The following EHBP1 variants were observed in gnomAD, a reference collection of about 807,000 sequenced individuals.
EHBP1 encodes EH domain-binding protein 1.
In EHBP1, 55 loss-of-function variants were observed where a neutral mutation model predicts 144.0. That is an observed-to-expected ratio of 0.38 (90% CI 0.31 to 0.48). The LOEUF (loss-of-function observed/expected upper bound fraction) is 0.48. Ranked by LOEUF, EHBP1 falls within the 20% of genes least tolerant of loss-of-function variation. The probability of loss-of-function intolerance (pLI) is 0.98; values close to 1 mark genes in which losing one functional copy is unlikely to be tolerated. For synonymous variants in EHBP1, 469 were observed against 472.7 expected, an observed-to-expected ratio of 0.99 and a Z score of 0.10; for missense variants, 1,200 against 1,364.2, an observed-to-expected ratio of 0.88 and a Z score of 1.90.
At chr2:62,703,888 A>G (rs910849956), upstream of EHBP1, among the ~76,000 whole-genome samples, 2 of 152,234 alleles carry the variant, frequency 1.3e-5, no homozygotes, top group African/African-American at 2.4e-5. Flanking sequence ...AGAAACCAGA[A>G]TGACCACATA....
chr2:62,924,673 A>G (rs1482518451), intron 10 of EHBP1, among the ~76,000 whole-genome samples: 1 of 152,230 alleles, frequency 6.6e-6, no homozygotes, highest in African/African-American at 2.4e-5. Flanking sequence ...AAAACCTTGA[A>G]TAGACCAATA....
At chr2:63,027,342 C>T (rs560445865) in intron 19 of EHBP1, among the ~76,000 whole-genome samples, 8 of 152,292 alleles carry the variant, frequency 5.3e-5, no homozygotes, top group Non-Finnish European at 1.2e-4. Context: ...GACCCAAGTT[C>T]GTCATGAGTG....
At chr2:62,746,580 T>TA (rs2152140899) in intron 2 of EHBP1, among the ~76,000 whole-genome samples, 1 of 152,184 alleles carries the variant, frequency 6.6e-6, no homozygotes, top group East Asian at 1.9e-4. Flanking sequence ...AAATAAGTGA[T>TA]AATCATAATC....
At chr2:62,901,670 A>G (rs978685781) in intron 10 of EHBP1, among the ~76,000 whole-genome samples, 2 of 152,062 alleles carry the variant, frequency 1.3e-5, no homozygotes, top group East Asian at 3.9e-4. Flanking sequence ...TTAAAAAAAA[A>G]AAAGAAAAAG....
intron 2 of EHBP1, among the ~76,000 whole-genome samples, chr2:62,715,039 G>T (rs915923240): frequency 6.6e-6 from 1 of 152,160 alleles, no homozygotes; most frequent in African/African-American, 2.4e-5. Context: ...GAATTAATTT[G>T]CCAGCATTTG....
At chr2:62,786,836 A>G (rs1045394728) in intron 5 of EHBP1, among the ~76,000 whole-genome samples, 4 of 152,194 alleles carry the variant, frequency 2.6e-5, no homozygotes, top group Admixed American at 6.5e-5. Context: ...AGAGTGGGCA[A>G]TTTTGAATTG....
chr2:62,721,918 T>G (rs933999883), intron 2 of EHBP1, among the ~76,000 whole-genome samples: 4 of 152,148 alleles, frequency 2.6e-5, no homozygotes, highest in African/African-American at 7.2e-5. Context: ...TTGAAATAAT[T>G]TCAGACTTAT....
At chr2:62,982,062 A>G (rs1179883368) in intron 15 of EHBP1, among the ~76,000 whole-genome samples, 1 of 152,200 alleles carries the variant, frequency 6.6e-6, no homozygotes, top group East Asian at 1.9e-4. Context: ...ATAAAGGGAT[A>G]CGGAATAGAC....
chr2:62,730,880 AAAGAGT>A (rs2037504051), intron 2 of EHBP1, among the ~76,000 whole-genome samples: 1 of 141,760 alleles, frequency 7.1e-6, no homozygotes, highest in African/African-American at 2.6e-5. Context: ...GCAGGCAGAG[AAAGAGT>A]AAGACAGAAG....
intron 2 of EHBP1, among the ~76,000 whole-genome samples, chr2:62,736,425 T>C (rs2038141548): frequency 6.6e-6 from 1 of 152,092 alleles, no homozygotes; most frequent in African/African-American, 2.4e-5. Context: ...GGTTTTGCCA[T>C]GTTGGCCAGG....
At chr2:62,693,266 C>T (rs150574150) in intron 1 of EHBP1, among the ~76,000 whole-genome samples, 68 of 152,118 alleles carry the variant, frequency 4.5e-4, no homozygotes, top group East Asian at 4.4e-3. Flanking sequence ...CATCTGTTGA[C>T]GGACACTTAG....
upstream of EHBP1, among the ~76,000 whole-genome samples, chr2:62,704,357 T>C (rs917597809): frequency 2.0e-5 from 3 of 152,200 alleles, no homozygotes; most frequent in Non-Finnish European, 4.4e-5. Context: ...TTCTTCAACA[T>C]GTCTCTCCAC....
chr2:62,884,985 A>G (rs1049428003), intron 10 of EHBP1, among the ~76,000 whole-genome samples: 1 of 152,242 alleles, frequency 6.6e-6, no homozygotes, highest in African/African-American at 2.4e-5. Flanking sequence ...TATTATTTGT[A>G]AATTGAAAAG....
intron 14 of EHBP1, among the ~76,000 whole-genome samples, chr2:62,964,711 G>A (rs1248460930): frequency 6.6e-6 from 1 of 152,152 alleles, no homozygotes; most frequent in Non-Finnish European, 1.5e-5. Context: ...CTCTTCTTAG[G>A]TGGTCTTCAT....
Position 63,045,152 on chromosome 2 carries a change from G to T in EHBP1, c.3364G>T (p.Val1122Phe), listed in dbSNP as rs891274167. ...CCTGGTGAACAAGCGCGATGCGCTC[G>T]TCAGGGACCTGGACGCGCAGGAGAA... ...VALVNKRDAL[V>F]RDLDAQEKQA... is the part of the protein sequence containing the mutation. The change falls in exon 22 of 23, where the codon GTC (valine) becomes TTC (phenylalanine). Residue 1122 changes from valine (V) to phenylalanine (F), a missense_variant. Coordinates refer to ENST00000431489, the MANE Select transcript of EHBP1 (RefSeq NM_001142616.3). The surrounding 1 kb of genome is among the most constrained non-coding windows in gnomAD (Gnocchi z 5.7). 1 of 1,595,008 alleles carries T rather than the reference G, an allele frequency of 6.3e-7. No homozygotes were observed. Among genetic ancestry groups the T allele is most frequent in the Non-Finnish European group, 8.5e-7 (1 of 1,170,282 alleles).
chr2:62,963,388 A>C (rs1278527984), intron 14 of EHBP1, among the ~76,000 whole-genome samples: 1 of 152,244 alleles, frequency 6.6e-6, no homozygotes, highest in Non-Finnish European at 1.5e-5. Flanking sequence ...TAATAAAAGA[A>C]GCATTTACCA....
intron 10 of EHBP1, among the ~76,000 whole-genome samples, chr2:62,941,385 G>A (rs1011299151): frequency 1.8e-4 from 28 of 152,062 alleles, no homozygotes; most frequent in African/African-American, 3.6e-4. Flanking sequence ...GATCCAAACC[G>A]TTGATTTTTA....
At chr2:63,027,880 C>T (rs762975701) in intron 19 of EHBP1, among the ~76,000 whole-genome samples, 15 of 152,110 alleles carry the variant, frequency 9.9e-5, no homozygotes, top group Non-Finnish European at 2.2e-4. Context: ...AGGAGGAATA[C>T]GTTCACCAAA....
intron 9 of EHBP1, among the ~76,000 whole-genome samples, chr2:62,868,837 C>T (rs961708163): frequency 5.3e-5 from 8 of 151,770 alleles, no homozygotes; most frequent in Admixed American, 4.6e-4. Context: ...ACCTGTGGTC[C>T]CAGCTACTCA....
Sources: gnomAD v4.1 joint callset for allele counts (sites outside exome capture counted in the v4.1 genomes callset) on GRCh38, gnomAD v4.1.1 for gene constraint, Gnocchi (gnomAD v3.1) non-coding constraint, MANE v1.5 for transcripts, NCBI Gene and HGNC (gene_info 2026-07-23, HGNC 2026-07-21) for gene names.